Variants in MAF observed in about 807,000 individuals in gnomAD.
MAF encodes the protein transcription factor Maf.
MAF carries 10 observed loss-of-function variants against 22.0 expected under a neutral mutation model. The ratio of observed to expected loss-of-function variants is 0.45; its 90% confidence interval spans 0.28 to 0.77. The LOEUF is 0.77. Among genes scored for constraint, MAF ranks in the 30% least tolerant of loss-of-function variants. The pLI, the probability that MAF is intolerant of heterozygous loss-of-function variation, is 0.12. For missense variants in MAF, 544 were observed against 548.4 expected, an observed-to-expected ratio of 0.99 and a Z score of 0.08; for synonymous variants, 337 against 255.8, an observed-to-expected ratio of 1.32 and a Z score of -3.03.
the MAF span, among the ~76,000 whole-genome samples, chr16:79,317,034 A>C: frequency 6.6e-6 from 1 of 152,212 alleles, no homozygotes; most frequent in Non-Finnish European, 1.5e-5. Flanking sequence ...TAAGAGATGG[A>C]GCCAAGAGTT....
chr16:79,598,165 C>CTTTTT, intron 1 of MAF: 1 of 976,790 alleles, frequency 1.0e-6, no homozygotes, highest in South Asian at 4.9e-5. Flanking sequence ...AAAAACTTTG[C>CTTTTT]TTTTTTTTTT....
chr16:79,584,098 A>G (rs1393058778), downstream of MAF, among the ~76,000 whole-genome samples: 1 of 152,150 alleles, frequency 6.6e-6, no homozygotes, highest in East Asian at 1.9e-4. Flanking sequence ...ATAATCTAGA[A>G]TGCTTCTGAG....
At chr16:79,508,628 G>T in the MAF span, among the ~76,000 whole-genome samples, 1 of 152,126 alleles carries the variant, frequency 6.6e-6, no homozygotes, top group Admixed American at 6.5e-5. Context: ...CATCCTACCA[G>T]AGCCCACTTT....
chr16:79,502,756 A>AG, the MAF span, among the ~76,000 whole-genome samples: 3 of 88,762 alleles, frequency 3.4e-5, no homozygotes, highest in African/African-American at 1.5e-4. Context: ...TATATATATA[A>AG]AGACTCATTA....
At chr16:79,204,270 C>T in the MAF span, 5 of 152,132 alleles carry the variant, frequency 3.3e-5, no homozygotes, top group Admixed American at 2.6e-4. Flanking sequence ...ACAATACCTT[C>T]TCTTAGTTCT....
At chr16:79,387,151 G>A in the MAF span, among the ~76,000 whole-genome samples, 5 of 152,192 alleles carry the variant, frequency 3.3e-5, no homozygotes, top group Middle Eastern at 3.2e-3. Flanking sequence ...GAAGCCAGCA[G>A]CAGCACACAG....
At chr16:79,546,404 G>C in the MAF span, among the ~76,000 whole-genome samples, 1 of 152,226 alleles carries the variant, frequency 6.6e-6, no homozygotes, top group South Asian at 2.1e-4. Flanking sequence ...TTATGAATGA[G>C]TGACTTGGGC....
At chr16:79,531,325 G>A in the MAF span, among the ~76,000 whole-genome samples, 49 of 152,106 alleles carry the variant, frequency 3.2e-4, no homozygotes, top group Non-Finnish European at 6.6e-4. Context: ...GTTCTCTAGA[G>A]CAGCACTCCC....
At chr16:79,475,234 C>G in the MAF span, among the ~76,000 whole-genome samples, 1 of 151,782 alleles carries the variant, frequency 6.6e-6, no homozygotes, top group Non-Finnish European at 1.5e-5. Context: ...AGGTATGGTC[C>G]TAGGTACTTC....
chr16:79,410,446 G>C, the MAF span, among the ~76,000 whole-genome samples: 8 of 152,340 alleles, frequency 5.3e-5, no homozygotes, highest in South Asian at 1.7e-3. Context: ...GAGTAAATCA[G>C]CTCATTGCAG....
chr16:79,293,138 A>G, the MAF span, among the ~76,000 whole-genome samples: 8,669 of 152,160 alleles, frequency 0.057, 828 homozygotes, highest in African/African-American at 0.2. Flanking sequence ...ACTTTACCCT[A>G]TGGACTGGCC....
At chr16:79,597,148 A>AC in intron 1 of MAF, 1 of 1,056,948 alleles carries the variant, frequency 9.5e-7, no homozygotes. Flanking sequence ...TGCAAACTCT[A>AC]CCCCCCTTAA....
At chr16:79,341,543 G>A in the MAF span, among the ~76,000 whole-genome samples, 3 of 152,206 alleles carry the variant, frequency 2.0e-5, no homozygotes, top group Non-Finnish European at 2.9e-5. Flanking sequence ...ATTGGCAGAT[G>A]CTAGAAATCA....
the MAF span, among the ~76,000 whole-genome samples, chr16:79,534,029 A>G: frequency 1.3e-5 from 2 of 152,080 alleles, no homozygotes; most frequent in Non-Finnish European, 2.9e-5. Context: ...CTACAAGCTC[A>G]TCTTACAAGA....
the MAF span, among the ~76,000 whole-genome samples, chr16:79,293,652 A>G: frequency 2.0e-5 from 3 of 152,046 alleles, no homozygotes; most frequent in African/African-American, 7.2e-5. Context: ...AACTCAGATG[A>G]CCACTCTTTT....
chr16:79,351,294 A>G, the MAF span, among the ~76,000 whole-genome samples: 4 of 152,128 alleles, frequency 2.6e-5, no homozygotes, highest in Non-Finnish European at 5.9e-5. Flanking sequence ...CATAGTTAAC[A>G]AGGAGTAGAG....
At chr16:79,242,435 C>G in the MAF span, among the ~76,000 whole-genome samples, 1 of 148,976 alleles carries the variant, frequency 6.7e-6, no homozygotes, top group Admixed American at 6.7e-5. Context: ...TTTAAAGCAA[C>G]AAAGATCAAA....
the MAF span, among the ~76,000 whole-genome samples, chr16:79,336,781 G>C: frequency 6.6e-6 from 1 of 152,128 alleles, no homozygotes. Context: ...CTGTAATTTG[G>C]TGAGGATTTT....
At chr16:79,292,473 A>T in the MAF span, among the ~76,000 whole-genome samples, 1 of 152,220 alleles carries the variant, frequency 6.6e-6, no homozygotes, top group Non-Finnish European at 1.5e-5. Flanking sequence ...ACTGAGAAAG[A>T]GTAAATTTCT....
Sources: gnomAD v4.1 joint callset for allele counts (sites outside exome capture counted in the v4.1 genomes callset) on GRCh38, gnomAD v4.1.1 for gene constraint, MANE v1.5 for transcripts, NCBI Gene and HGNC (gene_info 2026-07-23, HGNC 2026-07-21) for gene names.